The following COL6A5 variants were observed in gnomAD, a reference collection of about 807,000 sequenced individuals.
The protein encoded by COL6A5 is collagen alpha-5(VI) chain.
A neutral mutation model predicts 65.6 loss-of-function variants in COL6A5; 48 were observed. The ratio of observed to expected loss-of-function variants is 0.73; its 90% CI spans 0.58 to 0.93. The LOEUF (loss-of-function observed/expected upper bound fraction) is 0.93. Among genes scored for constraint, COL6A5 ranks in the 40% least tolerant of loss-of-function variants. COL6A5 has a pLI of 0.00. For synonymous variants in COL6A5, 291 were observed against 322.8 expected (o/e 0.90, Z 1.05); for missense variants, 914 against 928.3 (o/e 0.98, Z 0.20).
At position 130,361,816 on chromosome 3, in the gene COL6A5, G is replaced by A. The variant is rs186258735; in HGVS notation, c.-28-11795G>A. Among the ~76,000 whole-genome samples, 28 of 152,126 alleles carry A rather than the reference G, an allele frequency of 1.8e-4. No individual in the cohort carries two copies. The East Asian group carries it at 3.7e-3, about 20-fold the overall frequency. ...TCTTACTCTTTTAATTTGCAATTCC[G>A]TAATGACATATGATGTTAACCATTT... is the stretch of plus-strand genomic sequence containing the variant. On this transcript the variant is annotated intron_variant and NMD_transcript_variant, in intron 1 of 41. Coordinates refer to the COL6A5 transcript ENST00000312481.
At chr3:130,345,900 T>C (rs1869319) in exon 1 of COL6A5, 351,262 of 398,548 alleles carry the variant, frequency 0.88, 157,195 homozygotes, top group East Asian at 0.94. Context: ...TTTACTGCGC[T>C]CAGGAGCTCG....
At chr3:130,409,432 C>G in intron 18 of COL6A5, 44 bp downstream of exon 18, 2 of 1,464,084 alleles carry the variant, frequency 1.4e-6, no homozygotes, top group Non-Finnish European at 9.3e-7. Flanking sequence ...TATACTTGCT[C>G]CACAGTTCCT....
chr3:130,356,458 T>G (rs1240648620), intron 1 of COL6A5, among the ~76,000 whole-genome samples: 1 of 152,090 alleles, frequency 6.6e-6, no homozygotes, highest in Non-Finnish European at 1.5e-5. Context: ...TATTAAGCAT[T>G]TCAAAAACTG....
At chr3:130,441,075 G>A (rs1299158401) in intron 3 of COL6A5, among the ~76,000 whole-genome samples, 1 of 152,094 alleles carries the variant, frequency 6.6e-6, no homozygotes, top group Non-Finnish European at 1.5e-5. Context: ...GAAAGCCACA[G>A]AGTGACTAGA....
At chr3:130,417,737 T>G (rs768093157) in intron 24 of COL6A5, among the ~76,000 whole-genome samples, 11 of 152,168 alleles carry the variant, frequency 7.2e-5, no homozygotes, top group Non-Finnish European at 1.6e-4. Context: ...TCCAGGGTCC[T>G]GTGACCTGTG....
At chr3:130,362,252 T>TTCTCCCTC (rs1553744419) in intron 1 of COL6A5, among the ~76,000 whole-genome samples, 8 of 114,352 alleles carry the variant, frequency 7.0e-5, no homozygotes, top group Non-Finnish European at 1.2e-4. Flanking sequence ...TAAGGTTTCT[T>TTCTCCCTC]TCTCTCTCTC....
rs1936971998 is a variant in COL6A5, at chr3:130,405,903, G to T, written c.4354-90G>T. ...AGATGTATAGCCCGAAGCGACTAAA[G>T]AAATACATGCTCACTCACTTTAGAG... is the stretch of plus-strand genomic sequence containing the variant. On this transcript the variant is annotated intron_variant and NMD_transcript_variant, in intron 14 of 41. Transcript: ENST00000312481. The T allele has an allele frequency of 4.6e-6, 6 of 1,300,770 alleles. No homozygotes were observed. The African/African-American group carries it at 8.8e-5, about 19-fold the overall frequency. The allele number at this position is 1,300,770 out of a possible 1,614,324, so 80.6% of individuals were successfully genotyped here.
chr3:130,355,850 T>C (rs982276994), intron 1 of COL6A5, among the ~76,000 whole-genome samples: 14 of 151,526 alleles, frequency 9.2e-5, no homozygotes, highest in African/African-American at 3.4e-4. Flanking sequence ...GAATCACAGA[T>C]CTGATCAAAA....
At chr3:130,455,062 C>T (rs1709535741) in intron 4 of COL6A5, among the ~76,000 whole-genome samples, 1 of 151,822 alleles carries the variant, frequency 6.6e-6, no homozygotes, top group African/African-American at 2.4e-5. Context: ...ATTGCTAGAG[C>T]CCAGGAGGTT....
intron 1 of COL6A5, among the ~76,000 whole-genome samples, chr3:130,361,150 G>A (rs1935091047): frequency 6.6e-6 from 1 of 152,020 alleles, no homozygotes; most frequent in Admixed American, 6.6e-5. Context: ...ATGTACATTT[G>A]GTGAATTTTG....
At chr3:130,358,042 AGCCGGGC>A (rs1934982439) in intron 1 of COL6A5, among the ~76,000 whole-genome samples, 1 of 151,956 alleles carries the variant, frequency 6.6e-6, no homozygotes, top group Non-Finnish European at 1.5e-5. Flanking sequence ...ACAAAAAATT[AGCCGGGC>A]GTGGTGGCGG....
At chr3:130,364,748 T>G (rs1022198281) in intron 1 of COL6A5, among the ~76,000 whole-genome samples, 2 of 152,136 alleles carry the variant, frequency 1.3e-5, no homozygotes, top group African/African-American at 4.8e-5. Context: ...CTCCAGTGAG[T>G]CTTGTTCTGC....
chr3:130,477,816 C>A (rs534514171), intron 7 of COL6A5, among the ~76,000 whole-genome samples: 63 of 152,156 alleles, frequency 4.1e-4, no homozygotes, highest in African/African-American at 1.4e-3. Flanking sequence ...AAAATCATTT[C>A]TCTAGAAATC....
intron 4 of COL6A5, among the ~76,000 whole-genome samples, 198 bp downstream of exon 4, chr3:130,380,248 G>A (rs533437827): frequency 6.9e-4 from 105 of 152,080 alleles, no homozygotes; most frequent in Middle Eastern, 6.8e-3. Flanking sequence ...CTTACAAGAG[G>A]TCAATTTTAT....
intron 1 of COL6A5, among the ~76,000 whole-genome samples, chr3:130,350,682 C>A (rs536945008): frequency 1.3e-5 from 2 of 152,284 alleles, no homozygotes; most frequent in East Asian, 3.9e-4. Flanking sequence ...AATGGAAGAA[C>A]ATTCCATGCT....
At chr3:130,415,250 T>G (rs1937305417) in intron 22 of COL6A5, among the ~76,000 whole-genome samples, 1 of 152,130 alleles carries the variant, frequency 6.6e-6, no homozygotes, top group South Asian at 2.1e-4. Flanking sequence ...AAGACGCCCT[T>G]TTGTGCTAAC....
At chr3:130,426,867 A>G (rs967346617), upstream of COL6A5, among the ~76,000 whole-genome samples, 8 of 152,244 alleles carry the variant, frequency 5.3e-5, no homozygotes, top group Non-Finnish European at 1.0e-4. Context: ...GGAATAAAGC[A>G]GGAGTCAACA....
At chr3:130,387,867 G>C (rs1037093118) in intron 5 of COL6A5, among the ~76,000 whole-genome samples, 1 of 151,212 alleles carries the variant, frequency 6.6e-6, no homozygotes, top group African/African-American at 2.4e-5. Context: ...TATAGAAATT[G>C]GTTTTATATG....
chr3:130,407,082 G>T (rs1010077377), intron 17 of COL6A5, among the ~76,000 whole-genome samples: 1 of 152,168 alleles, frequency 6.6e-6, no homozygotes, highest in East Asian at 1.9e-4. Flanking sequence ...TGGGGGCAGG[G>T]GTTGTCCAGA....
Sources: allele counts gnomAD v4.1 joint callset (sites outside exome capture counted in the v4.1 genomes callset), GRCh38; gene constraint gnomAD v4.1.1; transcripts MANE v1.5; gene names NCBI Gene and HGNC (gene_info 2026-07-23, HGNC 2026-07-21).